The following AKAP6 variants were observed in gnomAD, a reference collection of about 807,000 sequenced individuals.
AKAP6 encodes the protein A-kinase anchor protein 6.
Under a neutral mutation model 188.5 loss-of-function variants are expected in AKAP6, and 58 were observed. The ratio of observed to expected loss-of-function variants is 0.31; its 90% CI spans 0.25 to 0.38. The LOEUF is 0.38. Ranked by LOEUF, AKAP6 falls within the 10% of genes least tolerant of loss-of-function variation. The pLI is 1.00. For synonymous variants in AKAP6, 989 were observed against 998.6 expected (o/e 0.99, Z 0.18); for missense variants, 2,710 against 2,740.0 (o/e 0.99, Z 0.24).
At chr14:32,489,217 A>T (rs1445102626) in intron 2 of AKAP6, among the ~76,000 whole-genome samples, 2 of 152,036 alleles carry the variant, frequency 1.3e-5, no homozygotes, top group Non-Finnish European at 2.9e-5. Flanking sequence ...TGATTGACTG[A>T]TTAATTTTTA....
intron 1 of AKAP6, among the ~76,000 whole-genome samples, chr14:32,406,107 A>G (rs1889284042): frequency 1.3e-5 from 2 of 152,202 alleles, no homozygotes; most frequent in African/African-American, 4.8e-5. Context: ...CTTAGAATGT[A>G]TCCTGGGAAG....
At chr14:32,808,554 A>G (rs1261741745) in intron 12 of AKAP6, among the ~76,000 whole-genome samples, 2 of 152,218 alleles carry the variant, frequency 1.3e-5, no homozygotes, top group Non-Finnish European at 2.9e-5. Flanking sequence ...TCACAAAGCA[A>G]AAGTAGAGAA....
intron 1 of AKAP6, among the ~76,000 whole-genome samples, chr14:32,335,002 T>C (rs1045162566): frequency 4.6e-5 from 7 of 152,128 alleles, no homozygotes; most frequent in African/African-American, 1.4e-4. Flanking sequence ...TCAGGCTAGA[T>C]TGCAGTAGTG....
intron 7 of AKAP6, among the ~76,000 whole-genome samples, chr14:32,625,046 G>C (rs964920399): frequency 1.3e-5 from 2 of 152,066 alleles, no homozygotes; most frequent in South Asian, 4.2e-4. Context: ...TTCCAGTTTG[G>C]TGAACATAAG....
At chr14:32,443,853 A>G (rs527928320) in intron 2 of AKAP6, among the ~76,000 whole-genome samples, 1 of 152,290 alleles carries the variant, frequency 6.6e-6, no homozygotes, top group East Asian at 1.9e-4. Flanking sequence ...CATATGAAAG[A>G]CACCTGTTGA....
intron 12 of AKAP6, among the ~76,000 whole-genome samples, chr14:32,794,579 C>T (rs28780708): frequency 6.6e-6 from 1 of 152,072 alleles, no homozygotes; most frequent in Admixed American, 6.6e-5. Context: ...AACAAACAAA[C>T]AAATAGTTCT....
chr14:32,363,202 C>G (rs1275141620), intron 1 of AKAP6, among the ~76,000 whole-genome samples: 2 of 152,154 alleles, frequency 1.3e-5, no homozygotes, highest in African/African-American at 4.8e-5. Context: ...CTCTAGACTA[C>G]TGATCCCATG....
chr14:32,427,759 AT>A (rs1890083263), intron 1 of AKAP6, among the ~76,000 whole-genome samples: 1 of 152,188 alleles, frequency 6.6e-6, no homozygotes, highest in African/African-American at 2.4e-5. Context: ...TTCAGTGTCC[AT>A]ATGAATAGGT....
At chr14:32,801,643 C>A (rs1292817269) in intron 12 of AKAP6, among the ~76,000 whole-genome samples, 1 of 152,146 alleles carries the variant, frequency 6.6e-6, no homozygotes, top group Non-Finnish European at 1.5e-5. Context: ...TCTGTTATTT[C>A]CTTCTCCCTA....
At chr14:32,819,801 A>T (rs2007669) in intron 12 of AKAP6, among the ~76,000 whole-genome samples, 1 of 151,794 alleles carries the variant, frequency 6.6e-6, no homozygotes, top group Non-Finnish European at 1.5e-5. Flanking sequence ...AATAAAAATT[A>T]GCCAGGTACG....
intron 9 of AKAP6, among the ~76,000 whole-genome samples, chr14:32,729,201 T>C (rs2031044109): frequency 6.6e-6 from 1 of 152,178 alleles, no homozygotes; most frequent in Non-Finnish European, 1.5e-5. Context: ...CTGGTTTCCA[T>C]GGTGACAATT....
chr14:32,361,863 G>A (rs1021248053), intron 1 of AKAP6, among the ~76,000 whole-genome samples: 2 of 151,986 alleles, frequency 1.3e-5, no homozygotes, highest in Admixed American at 6.6e-5. Flanking sequence ...CTCCTGTTGT[G>A]CAGGCTTATT....
At chr14:32,687,491 CTG>C (rs1371175515) in intron 8 of AKAP6, among the ~76,000 whole-genome samples, 3 of 150,664 alleles carry the variant, frequency 2.0e-5, no homozygotes, top group Non-Finnish European at 3.0e-5. Context: ...AACACACACA[CTG>C]TGACCATTTT....
chr14:32,653,897 A>G (rs894515010), intron 7 of AKAP6, among the ~76,000 whole-genome samples: 3 of 152,134 alleles, frequency 2.0e-5, no homozygotes, highest in Non-Finnish European at 4.4e-5. Flanking sequence ...TTTCACATTC[A>G]TGTAAGTTGA....
At chr14:32,496,174 G>A (rs1880304171) in intron 2 of AKAP6, among the ~76,000 whole-genome samples, 1 of 152,034 alleles carries the variant, frequency 6.6e-6, no homozygotes, top group Non-Finnish European at 1.5e-5. Context: ...TGTAAATCAG[G>A]TTTTGTAATT....
intron 2 of AKAP6, among the ~76,000 whole-genome samples, chr14:32,436,633 C>T (rs151233875): frequency 2.0e-5 from 3 of 152,254 alleles, no homozygotes; most frequent in African/African-American, 7.2e-5. Flanking sequence ...ACCCAGTAGC[C>T]AATGGGATCT....
intron 1 of AKAP6, among the ~76,000 whole-genome samples, chr14:32,410,423 G>A (rs1157637554): frequency 2.0e-5 from 3 of 152,196 alleles, no homozygotes; most frequent in South Asian, 4.1e-4. Context: ...GAGTTGTCCT[G>A]CCTTTCCAAA....
At chr14:32,708,347 G>A (rs1049344241) in intron 9 of AKAP6, among the ~76,000 whole-genome samples, 15 of 151,806 alleles carry the variant, frequency 9.9e-5, no homozygotes, top group Admixed American at 5.9e-4. Flanking sequence ...ACTTGGGCTG[G>A]CTCTTTAGTC....
chr14:32,600,602 T>G, intron 6 of AKAP6, 27 bp from the exon 7 acceptor site: 2 of 1,577,288 alleles, frequency 1.3e-6, no homozygotes, highest in Non-Finnish European at 1.7e-6. Context: ...GGCCCACAAC[T>G]TCTGCTTTCC....
Sources: allele counts gnomAD v4.1 joint callset (sites outside exome capture counted in the v4.1 genomes callset), GRCh38; gene constraint gnomAD v4.1.1; transcripts MANE v1.5; gene names NCBI Gene and HGNC (gene_info 2026-07-23, HGNC 2026-07-21).